CTDSP2: variants seen among roughly 807,000 people sequenced by gnomAD.
CTDSP2 encodes the protein CTD small phosphatase 2.
Under a neutral mutation model 31.6 loss-of-function variants are expected in CTDSP2, and 9 were observed. The observed-to-expected ratio is 0.28, with a 90% CI of 0.17 to 0.50. The LOEUF is 0.50. Ranked by LOEUF, CTDSP2 falls within the 20% of genes least tolerant of loss-of-function variation. CTDSP2 has a pLI of 0.98. For synonymous variants in CTDSP2, 134 were observed against 134.5 expected (o/e 1.00, Z 0.03); for missense variants, 267 against 348.5 (o/e 0.77, Z 1.86).
At chr12:57,841,081 C>T (rs548898510) in intron 1 of CTDSP2, among the ~76,000 whole-genome samples, 4 of 152,258 alleles carry the variant, frequency 2.6e-5, no homozygotes, top group East Asian at 1.9e-4. Flanking sequence ...GTAAGATTTG[C>T]GTGTTAATGT....
At chr12:57,837,080 G>A (rs1000144335) in intron 1 of CTDSP2, 1 of 152,204 alleles carries the variant, frequency 6.6e-6, no homozygotes, top group African/African-American at 2.4e-5. Flanking sequence ...CCTGAACCCT[G>A]CAGCCAAGAC....
At chr12:57,828,826 G>T (rs1483083980) in intron 2 of CTDSP2, among the ~76,000 whole-genome samples, 2 of 152,210 alleles carry the variant, frequency 1.3e-5, no homozygotes, top group African/African-American at 4.8e-5. Context: ...TGTTGGTCGG[G>T]GCTGGCCCCA....
At chr12:57,825,596 G>T (rs1000739833) in intron 5 of CTDSP2, among the ~76,000 whole-genome samples, 1 of 152,236 alleles carries the variant, frequency 6.6e-6, no homozygotes, top group Non-Finnish European at 1.5e-5. Context: ...GCCTGGCGCT[G>T]GGCATGGCAG....
chr12:57,837,534 T>C (rs1233672674), intron 1 of CTDSP2, among the ~76,000 whole-genome samples: 1 of 151,940 alleles, frequency 6.6e-6, no homozygotes, highest in East Asian at 1.9e-4. Context: ...TTACTAAAAA[T>C]GCAAAAATTA....
At position 57,827,075 on chromosome 12, in the gene CTDSP2, G is replaced by C; in HGVS notation, c.275C>G (p.Pro92Arg). The change falls in exon 4 of 8, where the codon CCA becomes CGA. Residue 92 changes from proline to arginine, a missense_variant. Physicochemically the swap from Pro to Arg is moderately radical, Grantham distance 103. Transcript: ENST00000398073. Reference protein sequence around the residue: ...FYQIPGTCLLPEVTEEDQGRI... With the variant: ...FYQIPGTCLLREVTEEDQGRI... ...TCCTTGATCTTCCTCTGTCACCTCT[G>C]GGAGCAGGCAGGTCCCTGGGATCTA... 6.2e-7 allele frequency: 1 copy of C among 1,613,608 alleles called. No individual in the cohort carries two copies.
At position 57,821,705 on chromosome 12, in the gene CTDSP2, T is replaced by C. The variant is rs994228264; in HGVS notation, c.*1897A>G. 2.0e-5 allele frequency: 3 copies of C among 152,248 alleles called. No homozygotes were observed. The highest frequency in any genetic ancestry group is 4.8e-5 in the African/African-American group (2 of 41,452). 9.4% of individuals were successfully genotyped at this position (152,248 alleles called of 1,614,324 possible). A position where few individuals can be genotyped will look rare whatever the true frequency, so the allele number is the denominator to read the frequency against. ...AGACAGTATATTTCTGGCTAGCACA[T>C]GGGGTCCTTCTCCCTTTAGGTACAC... On this transcript the variant is annotated 3_prime_UTR_variant, in exon 8 of 8. Transcript: ENST00000398073.
chr12:57,845,944 C>G (rs1436735986), intron 1 of CTDSP2, among the ~76,000 whole-genome samples: 1 of 152,194 alleles, frequency 6.6e-6, no homozygotes, highest in African/African-American at 2.4e-5. Context: ...GGACTCCAGT[C>G]TCGGTTCCGT....
intron 1 of CTDSP2, among the ~76,000 whole-genome samples, chr12:57,830,201 C>T (rs1443196383): frequency 1.3e-5 from 2 of 152,178 alleles, no homozygotes; most frequent in East Asian, 1.9e-4. Context: ...CTGGCTAACA[C>T]GGTGAAACCC....
chr12:57,842,744 C>T (rs1956290347), intron 1 of CTDSP2: 1 of 152,440 alleles, frequency 6.6e-6, no homozygotes, highest in Non-Finnish European at 1.5e-5. Flanking sequence ...TGAGAGGCAC[C>T]AGCAGGGCAG....
chr12:57,838,611 G>A (rs564955391), intron 1 of CTDSP2, among the ~76,000 whole-genome samples: 4 of 152,348 alleles, frequency 2.6e-5, no homozygotes, highest in Non-Finnish European at 5.9e-5. Flanking sequence ...GCCTGCTTTA[G>A]GTTGATACAA....
At chr12:57,824,431 GCCTC>G in intron 5 of CTDSP2, 112 bp from the exon 6 acceptor site, 6 of 811,992 alleles carry the variant, frequency 7.4e-6, no homozygotes, top group Non-Finnish European at 1.3e-5. Context: ...CTGCAGCCCA[GCCTC>G]CTGGGCTACC....
chr12:57,840,075 T>A (rs1321314928), intron 1 of CTDSP2, among the ~76,000 whole-genome samples: 1 of 152,044 alleles, frequency 6.6e-6, no homozygotes, highest in Admixed American at 6.6e-5. Context: ...AAGAGGAATT[T>A]TCCTGCTCGG....
intron 1 of CTDSP2, among the ~76,000 whole-genome samples, chr12:57,839,544 G>C (rs113278355): frequency 0.012 from 1,876 of 152,054 alleles, 34 homozygotes; most frequent in African/African-American, 0.038. Context: ...CAGTGAAACC[G>C]CGTCTCTACT....
chr12:57,834,495 G>A (rs1956234978), intron 1 of CTDSP2, among the ~76,000 whole-genome samples: 2 of 152,190 alleles, frequency 1.3e-5, no homozygotes, highest in African/African-American at 4.8e-5. Context: ...CACCTGCTCT[G>A]ACCAGCAGAT....
chr12:57,846,549 C>T lies in CTDSP2; in HGVS notation c.-114G>A. The T allele has an allele frequency of 2.4e-6, 2 of 828,662 alleles. No individual in the cohort carries two copies. The highest frequency in any genetic ancestry group is 3.5e-6 in the Non-Finnish European group (2 of 567,112). The allele number at this position is 828,662 out of a possible 1,614,324, so 51.3% of individuals were successfully genotyped here. On this transcript the variant is annotated 5_prime_UTR_variant, in exon 1 of 8. Transcript: ENST00000398073. ...GCTCCGGCTCCCGAGACTCCGACTTCCACAGCTGTTCACATCCCCCCTCTC... is the reference window on the plus strand; with the variant it reads ...GCTCCGGCTCCCGAGACTCCGACTTTCACAGCTGTTCACATCCCCCCTCTC...
chr12:57,827,018 G>A lies in CTDSP2; in HGVS notation c.332C>T (p.Thr111Ile), dbSNP rs757239164. 6.2e-7 allele frequency: 1 copy of A among 1,613,306 alleles called. No individual in the cohort carries two copies. Among genetic ancestry groups the A allele is most frequent in the South Asian group, 1.1e-5 (1 of 91,070 alleles). The change falls in exon 4 of 8, where the codon ACC (threonine) becomes ATC (isoleucine). Residue 111 changes from threonine (T) to isoleucine (I), a missense_variant. By Grantham distance (89) the Thr-to-Ile change is moderately conservative. Coordinates refer to ENST00000398073, the MANE Select transcript of CTDSP2 (RefSeq NM_005730.4). Reference sequence around the variant, plus strand: ...TACCTTAAAGGAGCTATGCACAAGGGTTTCATCGAGGTCAATGACCACACA... The same window carrying A: ...TACCTTAAAGGAGCTATGCACAAGGATTTCATCGAGGTCAATGACCACACA... ...RICVVIDLDE[T>I]LVHSSFKPIN...
At chr12:57,825,012 TTTTC>T (rs35406632) in intron 5 of CTDSP2, among the ~76,000 whole-genome samples, 11,805 of 152,206 alleles carry the variant, frequency 0.078, 547 homozygotes, top group Non-Finnish European at 0.098. Flanking sequence ...GTCCTTTTTC[TTTTC>T]TTTATTTACT....
intron 1 of CTDSP2, 66 bp downstream of exon 1, chr12:57,846,306 C>G (rs535685930): frequency 6.9e-7 from 1 of 1,455,026 alleles, no homozygotes; most frequent in South Asian, 1.2e-5. Context: ...GACCTGGGTT[C>G]GGGGCTGTGC....
intron 7 of CTDSP2, 58 bp downstream of exon 7, chr12:57,823,846 A>G (rs1595185414): frequency 6.2e-7 from 1 of 1,608,402 alleles, no homozygotes; most frequent in Admixed American, 1.7e-5. Context: ...TGGAGCCCAC[A>G]GTTCCAGTCT....
Sources: gnomAD v4.1 joint callset for allele counts (sites outside exome capture counted in the v4.1 genomes callset) on GRCh38, gnomAD v4.1.1 for gene constraint, MANE v1.5 for transcripts, NCBI Gene and HGNC (gene_info 2026-07-23, HGNC 2026-07-21) for gene names.